Variants in HIP1 observed in about 807,000 individuals in gnomAD.
HIP1 encodes the protein huntingtin-interacting protein 1.
A neutral mutation model predicts 147.6 loss-of-function variants in HIP1; 65 were observed. The observed-to-expected ratio is 0.44, with a 90% CI of 0.36 to 0.54. The LOEUF (loss-of-function observed/expected upper bound fraction) is 0.54. HIP1 is among the 20% of genes least tolerant of loss of function. HIP1 has a pLI of 0.00. For missense variants in HIP1, 1,061 were observed against 1,299.6 expected (o/e 0.82, Z 2.82); for synonymous variants, 479 against 504.0 (o/e 0.95, Z 0.67).
At chr7:75,609,564 C>CTT (rs61311867) in intron 1 of HIP1, among the ~76,000 whole-genome samples, 2 of 144,930 alleles carry the variant, frequency 1.4e-5, no homozygotes, top group Non-Finnish European at 3.0e-5. Flanking sequence ...CTTTTTTTTT[C>CTT]TTTTTTTTTT....
intron 28 of HIP1, among the ~76,000 whole-genome samples, chr7:75,542,438 T>C (rs922189125): frequency 3.1e-4 from 47 of 151,174 alleles, no homozygotes; most frequent in African/African-American, 1.0e-3. Flanking sequence ...GGCTCACACC[T>C]ATAATCCCAG....
chr7:75,671,390 G>C (rs149314937), intron 1 of HIP1, among the ~76,000 whole-genome samples: 1 of 152,206 alleles, frequency 6.6e-6, no homozygotes, highest in African/African-American at 2.4e-5. Context: ...CACCGCACTC[G>C]GCTAGAATTT....
chr7:75,664,336 ATG>A (rs782629165), intron 1 of HIP1, among the ~76,000 whole-genome samples: 8 of 144,876 alleles, frequency 5.5e-5, no homozygotes, highest in East Asian at 2.1e-4. Context: ...ATGCATATAT[ATG>A]TGTGTATGTA....
chr7:75,663,993 T>TATAC (rs1799415273), intron 1 of HIP1, among the ~76,000 whole-genome samples: 1 of 41,552 alleles, frequency 2.4e-5, no homozygotes. Flanking sequence ...TGTATATATA[T>TATAC]ACACATATAT....
chr7:75,649,823 C>G (rs1554511685), intron 1 of HIP1, among the ~76,000 whole-genome samples: 1 of 152,170 alleles, frequency 6.6e-6, no homozygotes. Flanking sequence ...CAAGCTCCCA[C>G]CTGGAATTTT....
intron 1 of HIP1, among the ~76,000 whole-genome samples, chr7:75,619,101 C>G (rs1205740708): frequency 6.6e-6 from 1 of 152,128 alleles, no homozygotes; most frequent in Non-Finnish European, 1.5e-5. Context: ...GTACACACAC[C>G]CCTAGATTCC....
chr7:75,674,720 T>G (rs1490265315), intron 1 of HIP1, among the ~76,000 whole-genome samples: 1 of 152,078 alleles, frequency 6.6e-6, no homozygotes, highest in Non-Finnish European at 1.5e-5. Context: ...CTCGATCTCC[T>G]GACCTCATGA....
In HIP1 at chr7:75,537,049, C is replaced by T. The variant is rs587688102; in HGVS notation, c.*1123G>A. ...GTCTGCAGAAAGGAGTTGGGAATCACTCCCACACTCCGTCTCTGGGCCAAG... is the reference window on the plus strand; with the variant it reads ...GTCTGCAGAAAGGAGTTGGGAATCATTCCCACACTCCGTCTCTGGGCCAAG... On this transcript the variant is annotated 3_prime_UTR_variant, in exon 31 of 31. Transcript: ENST00000336926. The T allele has an allele frequency of 6.0e-5, 14 of 232,572 alleles. 2 individuals are homozygous for T. In the South Asian group the frequency reaches 2.4e-3, roughly 39 times the overall value. The allele number at this position is 232,572 out of a possible 1,614,324, so 14.4% of individuals were successfully genotyped here.
At chr7:75,670,205 T>C (rs2705791) in intron 1 of HIP1, among the ~76,000 whole-genome samples, 106,111 of 151,924 alleles carry the variant, frequency 0.7, 37,403 homozygotes, top group African/African-American at 0.78. Flanking sequence ...TGGGGGCCTG[T>C]GGTGGTACAA....
intron 1 of HIP1, among the ~76,000 whole-genome samples, chr7:75,635,012 AT>A (rs1798376212): frequency 6.6e-6 from 1 of 151,448 alleles, no homozygotes; most frequent in South Asian, 2.1e-4. Flanking sequence ...ACAAATATAA[AT>A]TGTTATGTAA....
intron 1 of HIP1, among the ~76,000 whole-genome samples, chr7:75,609,247 G>A (rs1554504386): frequency 1.3e-5 from 2 of 152,160 alleles, no homozygotes; most frequent in Admixed American, 6.6e-5. Flanking sequence ...TCATCATAGT[G>A]GCTGTACCCA....
At chr7:75,678,934 G>A (rs2269884) in intron 1 of HIP1, among the ~76,000 whole-genome samples, 87,386 of 152,032 alleles carry the variant, frequency 0.57, 25,563 homozygotes, top group African/African-American at 0.66. Flanking sequence ...AGCCTAAAAC[G>A]ATAGCCAAGG....
chr7:75,724,288 G>A (rs1331591836), intron 1 of HIP1, among the ~76,000 whole-genome samples: 7 of 148,938 alleles, frequency 4.7e-5, no homozygotes, highest in South Asian at 2.1e-4. Context: ...TCACTCTGTC[G>A]CCAGGCTGGA....
chr7:75,699,625 T>G (rs1306431680), intron 1 of HIP1, among the ~76,000 whole-genome samples: 6 of 152,196 alleles, frequency 3.9e-5, no homozygotes, highest in Non-Finnish European at 8.8e-5. Flanking sequence ...GAGACGCCAG[T>G]CTGTGGCCTC....
intron 5 of HIP1, among the ~76,000 whole-genome samples, chr7:75,583,082 T>C (rs1796117955): frequency 1.3e-5 from 2 of 152,134 alleles, no homozygotes; most frequent in African/African-American, 4.8e-5. Context: ...CTCTGCCCTT[T>C]CAGTCCTCTC....
At chr7:75,572,645 C>G (rs1795686303) in intron 8 of HIP1, among the ~76,000 whole-genome samples, 1 of 152,184 alleles carries the variant, frequency 6.6e-6, no homozygotes, top group South Asian at 2.1e-4. Context: ...ATGGAACAGG[C>G]AGAAGCCTCA....
intron 1 of HIP1, among the ~76,000 whole-genome samples, chr7:75,728,715 T>C (rs1403011006): frequency 2.0e-5 from 3 of 150,006 alleles, no homozygotes; most frequent in African/African-American, 7.5e-5. Flanking sequence ...TTTATTTTTA[T>C]TTTTTTTAAT....
chr7:75,603,069 G>A (rs587654659), intron 1 of HIP1, among the ~76,000 whole-genome samples: 6 of 148,792 alleles, frequency 4.0e-5, no homozygotes, highest in East Asian at 2.0e-4. Context: ...CTTCCCGGCC[G>A]GGCGCAGTGA....
chr7:75,681,135 C>A (rs1168423666), intron 1 of HIP1, among the ~76,000 whole-genome samples: 2 of 151,930 alleles, frequency 1.3e-5, no homozygotes, highest in African/African-American at 4.8e-5. Context: ...CTGGTCTTGA[C>A]CTCCTGACCT....
Sources: gnomAD v4.1 joint callset for allele counts (sites outside exome capture counted in the v4.1 genomes callset) on GRCh38, gnomAD v4.1.1 for gene constraint, MANE v1.5 for transcripts, NCBI Gene and HGNC (gene_info 2026-07-23, HGNC 2026-07-21) for gene names.